TRPC5: variants seen among roughly 807,000 people sequenced by gnomAD.
The protein encoded by TRPC5 is transient receptor potential cation channel subfamily C member 5.
A neutral mutation model predicts 56.5 loss-of-function variants in TRPC5; 9 were observed. The ratio of observed to expected loss-of-function variants is 0.16; its 90% CI spans 0.10 to 0.28. TRPC5 has a LOEUF of 0.28. Ranked by LOEUF, TRPC5 falls within the 10% of genes least tolerant of loss-of-function variation. TRPC5 has a pLI of 1.00. For synonymous variants in TRPC5, 282 were observed against 278.5 expected, an observed-to-expected ratio of 1.01 and a Z score of -0.13; for missense variants, 469 against 748.9, an observed-to-expected ratio of 0.63 and a Z score of 4.36.
rs751145725 is a variant in TRPC5, at chrX:112,011,060, A to G, written c.-21-58619T>C. On this transcript the variant is annotated intron_variant, in intron 1 of 10. Coordinates refer to ENST00000262839, the MANE Select transcript of TRPC5 (RefSeq NM_012471.3). The stretch of plus-strand genomic sequence containing the variant: ...CTACCCTCCCCCATTTGACAAGGGT[A>G]AAATACAGGCTATGTCTGAGCAGGC... 4.5e-5 allele frequency among the ~76,000 whole-genome samples: 5 copies of G among 111,582 alleles called. No homozygotes were observed. In the South Asian group the frequency reaches 1.2e-3, roughly 26 times the overall value.
chrX:112,037,683 T>C (rs1163172893), intron 1 of TRPC5, among the ~76,000 whole-genome samples: 1 of 111,734 alleles, frequency 8.9e-6, no homozygotes, highest in African/African-American at 3.3e-5. Flanking sequence ...AACTGTACCT[T>C]ACAAACATAG....
intron 2 of TRPC5, among the ~76,000 whole-genome samples, chrX:111,915,083 C>T (rs1386064260): frequency 3.6e-5 from 4 of 110,298 alleles, no homozygotes; most frequent in African/African-American, 1.3e-4. Context: ...CTCTCTCTCC[C>T]CGCCACTTCC....
At chrX:111,781,646 C>T (rs1945920848) in intron 8 of TRPC5, among the ~76,000 whole-genome samples, 1 of 112,288 alleles carries the variant, frequency 8.9e-6, no homozygotes, top group South Asian at 3.7e-4. Context: ...ATCACTTGAA[C>T]CTGGGAGGCA....
chrX:112,072,000 A>T (rs1031513290), intron 1 of TRPC5, among the ~76,000 whole-genome samples: 1 of 112,222 alleles, frequency 8.9e-6, no homozygotes, highest in Non-Finnish European at 1.9e-5. Context: ...CTTCTGAAAG[A>T]TTCTTTTCTC....
At chrX:111,819,136 G>C (rs763415006) in intron 7 of TRPC5, among the ~76,000 whole-genome samples, 31 of 111,616 alleles carry the variant, frequency 2.8e-4, no homozygotes, top group African/African-American at 1.0e-3. Flanking sequence ...GCATCAGGAA[G>C]GTTCCTGCAA....
chrX:112,048,670 T>C (rs1930134113), intron 1 of TRPC5, among the ~76,000 whole-genome samples: 1 of 111,538 alleles, frequency 9.0e-6, no homozygotes. Context: ...TCATAGACTC[T>C]AACATGCATA....
Position 111,825,155 on chromosome X carries a change from C to CTT in TRPC5, c.1896+9764_1896+9765dup, listed in dbSNP as rs1291736003. On this transcript the variant is annotated intron_variant, in intron 7 of 10. Transcript: ENST00000262839. ...CCTTCCTTCCTTCCTTCCTTTCTTT[C>CTT]TTTCTTTCTTTCTTTCTTTCTTTCT... 3.0e-4 allele frequency among the ~76,000 whole-genome samples: 7 copies of CTT among 23,541 alleles called. No homozygotes were observed. The Admixed American group carries it at 5.4e-3, about 18-fold the overall frequency. 20.4% of individuals were successfully genotyped at this position (23,541 alleles called of 115,157 possible).
At chrX:112,074,849 T>A (rs1930798684) in intron 1 of TRPC5, among the ~76,000 whole-genome samples, 1 of 112,457 alleles carries the variant, frequency 8.9e-6, no homozygotes, top group Non-Finnish European at 1.9e-5. Context: ...ATTACCACTT[T>A]GAGGATTGAG....
intron 1 of TRPC5, among the ~76,000 whole-genome samples, chrX:112,064,308 C>A (rs191235374): frequency 3.1e-3 from 341 of 111,688 alleles, no homozygotes; most frequent in South Asian, 4.6e-3. Flanking sequence ...ATTACTCACC[C>A]AAGTTCACTG....
At chrX:112,056,490 G>A (rs1371251419) in intron 1 of TRPC5, among the ~76,000 whole-genome samples, 1 of 112,465 alleles carries the variant, frequency 8.9e-6, no homozygotes, top group Non-Finnish European at 1.9e-5. Context: ...CAATTATCCA[G>A]CTGTGTGATA....
chrX:111,857,015 C>T (rs923882240), intron 3 of TRPC5, among the ~76,000 whole-genome samples: 2 of 110,938 alleles, frequency 1.8e-5, no homozygotes, highest in Non-Finnish European at 3.8e-5. Flanking sequence ...ATAATAATAT[C>T]CACCTTGTAG....
At chrX:111,830,098 C>T (rs1251767945) in intron 7 of TRPC5, among the ~76,000 whole-genome samples, 1 of 112,633 alleles carries the variant, frequency 8.9e-6, no homozygotes, top group Non-Finnish European at 1.9e-5. Context: ...ATCATTGTAA[C>T]CTGGATGTGA....
intron 1 of TRPC5, among the ~76,000 whole-genome samples, chrX:112,040,191 G>T (rs1304180110): frequency 8.9e-6 from 1 of 112,016 alleles, no homozygotes; most frequent in African/African-American, 3.2e-5. Flanking sequence ...GTCTTAAAAA[G>T]ATAAAACAAC....
chrX:111,919,905 C>T (rs751497121), intron 2 of TRPC5, among the ~76,000 whole-genome samples: 4 of 112,289 alleles, frequency 3.6e-5, no homozygotes, highest in Non-Finnish European at 7.5e-5. Context: ...GCCTGCAGGT[C>T]GCAGGTTTGA....
chrX:111,992,159 C>CA (rs1471591953), intron 1 of TRPC5, among the ~76,000 whole-genome samples: 1 of 111,629 alleles, frequency 9.0e-6, no homozygotes, highest in African/African-American at 3.3e-5. Flanking sequence ...CTTGCACATT[C>CA]AAAAAAATAA....
At chrX:112,064,544 G>A (rs955164406) in intron 1 of TRPC5, among the ~76,000 whole-genome samples, 1 of 111,886 alleles carries the variant, frequency 8.9e-6, no homozygotes, top group African/African-American at 3.3e-5. Flanking sequence ...AAAATGCAAA[G>A]GAAGTAAGTA....
At chrX:111,855,510 G>A (rs1189427843) in intron 3 of TRPC5, among the ~76,000 whole-genome samples, 13 of 111,771 alleles carry the variant, frequency 1.2e-4, no homozygotes, top group Admixed American at 1.9e-4. Flanking sequence ...GGACTGTTAC[G>A]TCACGGAGAA....
intron 1 of TRPC5, among the ~76,000 whole-genome samples, chrX:111,977,240 T>C (rs1194159525): frequency 9.0e-6 from 1 of 111,656 alleles, no homozygotes; most frequent in Non-Finnish European, 1.9e-5. Flanking sequence ...CTCTAAGTTA[T>C]ATTATAGTAA....
chrX:111,821,122 C>T (rs1479909897), intron 7 of TRPC5, among the ~76,000 whole-genome samples: 3 of 111,349 alleles, frequency 2.7e-5, no homozygotes, highest in Middle Eastern at 4.7e-3. Context: ...AGGAGGCCTA[C>T]GGTACTTTCT....
Sources: allele counts gnomAD v4.1 joint callset (sites outside exome capture counted in the v4.1 genomes callset), GRCh38; gene constraint gnomAD v4.1.1; transcripts MANE v1.5; gene names NCBI Gene and HGNC (gene_info 2026-07-23, HGNC 2026-07-21).